GTF2I: variants seen among roughly 807,000 people sequenced by gnomAD.
GTF2I encodes the protein general transcription factor IIi.
In GTF2I, 12 loss-of-function variants were observed where a neutral mutation model predicts 67.6. That is an observed-to-expected ratio of 0.18 (90% CI 0.11 to 0.29). The LOEUF (loss-of-function observed/expected upper bound fraction) is 0.29, where lower values mean the gene tolerates loss of function less well. Ranked by LOEUF, GTF2I falls within the 10% of genes least tolerant of loss-of-function variation. The pLI, the probability that GTF2I is intolerant of heterozygous loss-of-function variation, is 1.00. For synonymous variants in GTF2I, 149 were observed against 197.0 expected, an observed-to-expected ratio of 0.76 and a Z score of 2.04; for missense variants, 271 against 580.1, an observed-to-expected ratio of 0.47 and a Z score of 5.47.
chr7:74,678,018 A>G (rs1292056276), intron 1 of GTF2I, among the ~76,000 whole-genome samples: 3 of 151,860 alleles, frequency 2.0e-5, no homozygotes, highest in African/African-American at 2.4e-5. Context: ...GTTTGGACGG[A>G]AAATTTCTCT....
intron 1 of GTF2I, among the ~76,000 whole-genome samples, chr7:74,676,885 G>A (rs949459962): frequency 1.6e-4 from 24 of 151,866 alleles, no homozygotes; most frequent in Admixed American, 1.1e-3. Flanking sequence ...GGGAAACCCT[G>A]TCTCTACTAA....
At chr7:74,711,953 T>C (rs1021335523) in intron 9 of GTF2I, among the ~76,000 whole-genome samples, 2 of 149,714 alleles carry the variant, frequency 1.3e-5, no homozygotes, top group Non-Finnish European at 3.0e-5. Flanking sequence ...TTCTCTCTTT[T>C]TTTTTTTTTT....
chr7:74,723,123 GTT>G (rs71098008), intron 12 of GTF2I, among the ~76,000 whole-genome samples: 1 of 132,204 alleles, frequency 7.6e-6, no homozygotes. Context: ...GGTGCTAAGA[GTT>G]TTTTTTTTTT....
intron 18 of GTF2I, among the ~76,000 whole-genome samples, chr7:74,737,366 G>A (rs1314021583): frequency 1.4e-5 from 2 of 143,294 alleles, no homozygotes; most frequent in Non-Finnish European, 3.1e-5. Context: ...AAATATGCCT[G>A]CGTATCCACA....
At chr7:74,723,232 T>G (rs1035933079) in intron 12 of GTF2I, among the ~76,000 whole-genome samples, 4 of 151,082 alleles carry the variant, frequency 2.6e-5, no homozygotes, top group Non-Finnish European at 4.4e-5. Flanking sequence ...TAAGCAGTTC[T>G]CTGCCTCAGC....
At chr7:74,714,719 CT>C (rs371275895) in intron 9 of GTF2I, 137 bp from the exon 10 acceptor site, 42,213 of 398,682 alleles carry the variant, frequency 0.11, no homozygotes, top group Middle Eastern at 0.13. Flanking sequence ...TCTTGTCAGT[CT>C]TTTTTTTTTT....
rs2131155068 is a variant in GTF2I, at chr7:74,657,786, C to G, written c.-288C>G. The G allele has an allele frequency of 6.6e-6, 1 of 152,406 alleles. No individual in the cohort carries two copies. Among genetic ancestry groups the G allele is most frequent in the Admixed American group, 6.5e-5 (1 of 15,268 alleles). 9.4% of individuals were successfully genotyped at this position (152,406 alleles called of 1,614,324 possible). A position where few individuals can be genotyped will look rare whatever the true frequency, so the allele number is the denominator to read the frequency against. On this transcript the variant is annotated 5_prime_UTR_variant, in exon 1 of 35. Coordinates refer to ENST00000573035, the MANE Select transcript of GTF2I (RefSeq NM_032999.4). ...CCCCCCGCTTCCCCGCACGCGCTCT[C>G]CAGCCGCGGCCGCCCGCCTGCCGCG...
In GTF2I at chr7:74,706,460, T is replaced by C. The variant is rs371779138; in HGVS notation, c.685+27T>C. 9 of 1,542,782 alleles carry C rather than the reference T, an allele frequency of 5.8e-6. No homozygotes were observed. The South Asian group carries it at 7.9e-5, about 13-fold the overall frequency. ...TATGTACTAGCACTTTTAGAATCAA[T>C]GGTGAAATTAAGGAAGACTTTTCCT... On this transcript the variant is annotated intron_variant, in intron 8 of 34. Coordinates refer to ENST00000573035, the MANE Select transcript of GTF2I (RefSeq NM_032999.4).
chr7:74,686,370 T>C (rs587653031), intron 1 of GTF2I, among the ~76,000 whole-genome samples: 74 of 152,272 alleles, frequency 4.9e-4, no homozygotes, highest in Non-Finnish European at 7.8e-4. Context: ...GGCAGATTTA[T>C]GGCGATTAAA....
chr7:74,690,725 G>GC (rs1562952535), intron 2 of GTF2I, among the ~76,000 whole-genome samples: 1 of 152,066 alleles, frequency 6.6e-6, no homozygotes. Flanking sequence ...AATTGACAGT[G>GC]CCCCCCAGCA....
intron 14 of GTF2I, among the ~76,000 whole-genome samples, chr7:74,732,142 C>CATATATAT (rs4028174): frequency 8.4e-4 from 123 of 145,924 alleles, no homozygotes; most frequent in Middle Eastern, 3.6e-3. Context: ...TACACATATA[C>CATATATAT]ATATATATAT....
intron 1 of GTF2I, among the ~76,000 whole-genome samples, chr7:74,668,059 C>T (rs587664201): frequency 6.6e-6 from 1 of 151,688 alleles, no homozygotes; most frequent in Non-Finnish European, 1.5e-5. Flanking sequence ...GTCTCAGTCT[C>T]CTGACCTCAT....
intron 1 of GTF2I, among the ~76,000 whole-genome samples, chr7:74,658,743 C>A (rs1554384980): frequency 6.6e-6 from 1 of 151,438 alleles, no homozygotes; most frequent in East Asian, 2.0e-4. Context: ...CCCGGCGCGC[C>A]TGCCCCGCGG....
At position 74,677,781 on chromosome 7, in the gene GTF2I, C is replaced by CAAAAAAAAAAAA. The variant is rs67938540; in HGVS notation, c.-5-11339_-5-11328dup. On this transcript the variant is annotated intron_variant, in intron 1 of 34. Transcript: ENST00000573035. The stretch of plus-strand genomic sequence containing the variant: ...TGGGCGACAGAGTGAGATTCTGTCT[C>CAAAAAAAAAAAA]AAAAAAAAAAAAAAAGTAAATTTGG... Among the ~76,000 whole-genome samples, 16 of 72,130 alleles carry CAAAAAAAAAAAA rather than the reference C, an allele frequency of 2.2e-4. 1 individual carries two copies. Among genetic ancestry groups the CAAAAAAAAAAAA allele is most frequent in the African/African-American group, 6.7e-4 (11 of 16,352 alleles). The allele number at this position is 72,130 out of a possible 152,430, so 47.3% of individuals were successfully genotyped here.
intron 4 of GTF2I, 94 bp from the exon 5 acceptor site, chr7:74,700,153 A>G (rs1789538495): frequency 2.4e-6 from 3 of 1,247,148 alleles, no homozygotes; most frequent in African/African-American, 1.5e-5. Context: ...ATAAAAAATC[A>G]TGGATGCCCT....
chr7:74,719,229 A>C (rs146806942), intron 12 of GTF2I, among the ~76,000 whole-genome samples: 1 of 152,186 alleles, frequency 6.6e-6, no homozygotes, highest in South Asian at 2.1e-4. Flanking sequence ...GATACACACA[A>C]AAACAGATTC....
At chr7:74,680,175 ATT>A (rs1473336160) in intron 1 of GTF2I, among the ~76,000 whole-genome samples, 11 of 144,408 alleles carry the variant, frequency 7.6e-5, no homozygotes, top group African/African-American at 2.8e-4. Flanking sequence ...CATATATATA[ATT>A]TTATATATTT....
rs782542467 is a variant in GTF2I at position 74,697,768 on chromosome 7, C to CCTTTATT, written c.239-1193_239-1192insCTTTATT. Among the ~76,000 whole-genome samples, 3 of 151,866 alleles carry CCTTTATT rather than the reference C, an allele frequency of 2.0e-5. No individual in the cohort carries two copies. In the South Asian group the frequency reaches 6.2e-4, roughly 32 times the overall value. ...CCCTTTTAAATCTCCATCTCCCTGC[C>CCTTTATT]TTTTATTTTTTATTTTTTTGAGACG... On this transcript the variant is annotated intron_variant, in intron 3 of 34. Transcript: ENST00000573035.
chr7:74,660,636 T>TTC (rs1183405721), intron 1 of GTF2I, among the ~76,000 whole-genome samples: 1 of 149,052 alleles, frequency 6.7e-6, no homozygotes, highest in Non-Finnish European at 1.5e-5. Flanking sequence ...TTTTTTTTTT[T>TTC]CGGAAGCGGA....
Sources: gnomAD v4.1 joint callset for allele counts (sites outside exome capture counted in the v4.1 genomes callset) on GRCh38, gnomAD v4.1.1 for gene constraint, MANE v1.5 for transcripts, NCBI Gene and HGNC (gene_info 2026-07-23, HGNC 2026-07-21) for gene names.